Variants in SMOC1 observed in about 807,000 individuals in gnomAD.
The protein encoded by SMOC1 is SPARC related modular calcium binding 1.
SMOC1 carries 22 observed loss-of-function variants against 56.3 expected under a neutral mutation model. The ratio of observed to expected loss-of-function variants is 0.39; its 90% CI spans 0.28 to 0.56. The LOEUF is 0.56. Among genes scored for constraint, SMOC1 ranks in the 20% least tolerant of loss-of-function variants. SMOC1 has a pLI of 0.61. For synonymous variants in SMOC1, 193 were observed against 215.0 expected (o/e 0.90, Z 0.89); for missense variants, 509 against 565.4 (o/e 0.90, Z 1.01).
At chr14:70,022,938 A>G (rs1885783788) in intron 10 of SMOC1, among the ~76,000 whole-genome samples, 1 of 152,208 alleles carries the variant, frequency 6.6e-6, no homozygotes, top group African/African-American at 2.4e-5. Flanking sequence ...GTACAAGAAC[A>G]TTTCTGGCTT....
At chr14:70,005,798 C>T (rs1398325417) in intron 7 of SMOC1, among the ~76,000 whole-genome samples, 1 of 152,174 alleles carries the variant, frequency 6.6e-6, no homozygotes, top group Non-Finnish European at 1.5e-5. Flanking sequence ...CCATGCATTT[C>T]CATGCCCCCC....
At chr14:69,953,745 G>A (rs538405835) in intron 3 of SMOC1, among the ~76,000 whole-genome samples, 4 of 152,306 alleles carry the variant, frequency 2.6e-5, no homozygotes, top group South Asian at 2.1e-4. Flanking sequence ...CTGAAAAGAC[G>A]CATGGAAGCC....
At chr14:69,916,566 A>C (rs913334526) in intron 1 of SMOC1, among the ~76,000 whole-genome samples, 1 of 152,176 alleles carries the variant, frequency 6.6e-6, no homozygotes, top group African/African-American at 2.4e-5. Flanking sequence ...TCTTTGCCCC[A>C]GCTGCTCCAC....
intron 1 of SMOC1, among the ~76,000 whole-genome samples, chr14:69,889,370 C>T (rs1432472163): frequency 6.6e-6 from 1 of 152,234 alleles, no homozygotes; most frequent in Non-Finnish European, 1.5e-5. Flanking sequence ...ATTCTCTCAG[C>T]TTCCTTTAAG....
intron 3 of SMOC1, among the ~76,000 whole-genome samples, chr14:69,957,047 T>C (rs1883213317): frequency 6.6e-6 from 1 of 152,210 alleles, no homozygotes; most frequent in African/African-American, 2.4e-5. Context: ...TTGAATAAGC[T>C]CAGGAGCTAT....
rs115299428 is a variant in SMOC1, at chr14:69,906,409, C to T, written c.99+26632C>T. Reference sequence around the variant, plus strand: ...CACGTGTAGGTCGTCTGGCCAACAGCCTCAGCTGATGTCCCACTGACAGCC... The same window carrying T: ...CACGTGTAGGTCGTCTGGCCAACAGTCTCAGCTGATGTCCCACTGACAGCC... On this transcript the variant is annotated intron_variant, in intron 1 of 11. Transcript: ENST00000361956. 6.8e-3 allele frequency among the ~76,000 whole-genome samples: 1,034 copies of T among 152,160 alleles called. 14 individuals carry two copies. Among genetic ancestry groups the T allele is most frequent in the African/African-American group, 0.023 (952 of 41,500 alleles).
At chr14:69,953,612 T>G in intron 3 of SMOC1, 80 bp downstream of exon 3, 1 of 1,175,200 alleles carries the variant, frequency 8.5e-7, no homozygotes, top group Non-Finnish European at 1.3e-6. Flanking sequence ...GAGGGCTGCT[T>G]GGCGCCTTCA....
At chr14:69,987,946 G>A (rs1884427166) in intron 5 of SMOC1, among the ~76,000 whole-genome samples, 1 of 152,232 alleles carries the variant, frequency 6.6e-6, no homozygotes, top group Admixed American at 6.5e-5. Context: ...ACTGGGGGTT[G>A]GGGAATCTCC....
intron 5 of SMOC1, among the ~76,000 whole-genome samples, chr14:69,985,171 T>C (rs1884323008): frequency 6.6e-6 from 1 of 151,678 alleles, no homozygotes; most frequent in Non-Finnish European, 1.5e-5. Flanking sequence ...CCACAGGAAA[T>C]GCAAAATAAG....
chr14:69,943,322 G>A lies in SMOC1; in HGVS notation c.100-8816G>A, dbSNP rs1457360904. Among the ~76,000 whole-genome samples the A allele has an allele frequency of 2.0e-5, 3 of 152,262 alleles. No individual in the cohort carries two copies. The East Asian group carries it at 5.8e-4, about 29-fold the overall frequency. On this transcript the variant is annotated intron_variant, in intron 1 of 11. Transcript: ENST00000361956. ...CTTATCTTCCCTCTTCCATCTTCAC[G>A]GAGCCCCCCTCTGAAGCCAGCAGGT...
chr14:69,979,476 C>T (rs1884096376), intron 5 of SMOC1, among the ~76,000 whole-genome samples: 1 of 152,096 alleles, frequency 6.6e-6, no homozygotes, highest in Admixed American at 6.5e-5. Flanking sequence ...GTGGGTGGTT[C>T]CCTCCTAGGT....
intron 2 of SMOC1, 43 bp downstream of exon 2, chr14:69,952,346 G>C (rs775750024): frequency 1.2e-6 from 2 of 1,610,864 alleles, no homozygotes; most frequent in African/African-American, 2.7e-5. Context: ...AGGTTCCTGG[G>C]CACCCCAGCT....
Position 69,879,711 on chromosome 14 carries a change from G to GCC in SMOC1, c.36_37dup (p.His13ProfsTer24). 6.3e-7 allele frequency: 1 copy of GCC among 1,587,036 alleles called. No individual in the cohort carries two copies. The highest frequency in any genetic ancestry group is 8.5e-7 in the Non-Finnish European group (1 of 1,174,566). ...CCGCGCGCTGCGCCCGCCTGCTCAC[G>GCC]CCCCACTTGCTGCTGGTGTTGGTGC... On this transcript the variant is annotated frameshift_variant, in exon 1 of 12. Coordinates refer to ENST00000361956, the MANE Select transcript of SMOC1 (RefSeq NM_001034852.3). LOFTEE classifies it high-confidence loss of function.
In SMOC1 at chr14:69,952,047, C is replaced by T. The variant is rs1471636476; in HGVS notation, c.100-91C>T. 6 of 1,466,746 alleles carry T rather than the reference C, an allele frequency of 4.1e-6. No homozygotes were observed. In the East Asian group the frequency reaches 1.4e-4, roughly 33 times the overall value. The allele number at this position is 1,466,746 out of a possible 1,614,324, so 90.9% of individuals were successfully genotyped here. On this transcript the variant is annotated intron_variant, in intron 1 of 11. Transcript: ENST00000361956. ...TTTGGGTTTATTAGGGACTTACTTT[C>T]TAAAGGCAAACAAGTACTGTAAGTC...
Position 70,030,517 on chromosome 14 carries a change from GCTACTGACAACTTTTAGA to G in SMOC1, c.*260_*277del. On this transcript the variant is annotated 3_prime_UTR_variant, in exon 12 of 12. Transcript: ENST00000361956. Reference sequence around the variant, plus strand: ...TCTCTTATTGTAAGTTTTTGGATCTGCTACTGACAACTTTTAGAGGGTTTTGGGGGGGTGGGGGAGGGT... The same window carrying G: ...TCTCTTATTGTAAGTTTTTGGATCTGGGGTTTTGGGGGGGTGGGGGAGGGT... 1 of 213,504 alleles carries G rather than the reference GCTACTGACAACTTTTAGA, an allele frequency of 4.7e-6. No individual in the cohort carries two copies. Among genetic ancestry groups the G allele is most frequent in the Non-Finnish European group, 9.2e-6 (1 of 108,732 alleles). 13.2% of individuals were successfully genotyped at this position (213,504 alleles called of 1,614,324 possible).
chr14:69,935,616 C>T (rs998955454), intron 1 of SMOC1, among the ~76,000 whole-genome samples: 1 of 152,172 alleles, frequency 6.6e-6, no homozygotes, highest in African/African-American at 2.4e-5. Context: ...AAAGAGACAC[C>T]TGTGTTGTGA....
chr14:69,972,835 G>A (rs1337247123), intron 3 of SMOC1, among the ~76,000 whole-genome samples: 2 of 152,230 alleles, frequency 1.3e-5, no homozygotes, highest in Non-Finnish European at 2.9e-5. Context: ...ATGCTTGAGA[G>A]GAGGCAGCTT....
At chr14:69,938,989 A>G (rs1220510236) in intron 1 of SMOC1, among the ~76,000 whole-genome samples, 1 of 152,108 alleles carries the variant, frequency 6.6e-6, no homozygotes, top group East Asian at 1.9e-4. Context: ...CATCTGATGG[A>G]AGCACACATG....
chr14:69,908,909 G>A (rs1296571), intron 1 of SMOC1, among the ~76,000 whole-genome samples: 143,588 of 152,178 alleles, frequency 0.94, 68,287 homozygotes, highest in South Asian at 1. Context: ...TGTGAGACAA[G>A]TCTATTTGGA....
Sources: allele counts gnomAD v4.1 joint callset (sites outside exome capture counted in the v4.1 genomes callset), GRCh38; gene constraint gnomAD v4.1.1; transcripts MANE v1.5; gene names NCBI Gene and HGNC (gene_info 2026-07-23, HGNC 2026-07-21).